CDH8: variants seen among roughly 807,000 people sequenced by gnomAD.
CDH8 encodes the protein cadherin-8.
A neutral mutation model predicts 68.1 loss-of-function variants in CDH8; 17 were observed. The observed-to-expected ratio is 0.25, with a 90% CI of 0.17 to 0.37. The LOEUF is 0.37. Ranked by LOEUF, CDH8 falls within the 10% of genes least tolerant of loss-of-function variation. The pLI is 1.00. For missense variants in CDH8, 763 were observed against 999.3 expected, an observed-to-expected ratio of 0.76 and a Z score of 3.19; for synonymous variants, 372 against 365.1, an observed-to-expected ratio of 1.02 and a Z score of -0.21.
chr16:61,848,000 C>T (rs1962849063), intron 4 of CDH8, among the ~76,000 whole-genome samples: 1 of 151,964 alleles, frequency 6.6e-6, no homozygotes, highest in South Asian at 2.1e-4. Flanking sequence ...GTTAGATAAA[C>T]ATGTTTTCCT....
chr16:62,003,568 T>G (rs1186979388), intron 2 of CDH8, among the ~76,000 whole-genome samples: 2 of 152,114 alleles, frequency 1.3e-5, no homozygotes, highest in Non-Finnish European at 2.9e-5. Flanking sequence ...CTTAGATGGC[T>G]CAAAAGAAAG....
At chr16:61,974,702 C>A (rs1415809427) in intron 2 of CDH8, among the ~76,000 whole-genome samples, 2 of 152,044 alleles carry the variant, frequency 1.3e-5, no homozygotes, top group African/African-American at 4.8e-5. Context: ...TTTGTTTCAG[C>A]GTCTTAAGTG....
intron 2 of CDH8, among the ~76,000 whole-genome samples, chr16:62,019,855 T>G (rs144641276): frequency 6.6e-6 from 1 of 152,242 alleles, no homozygotes; most frequent in African/African-American, 2.4e-5. Context: ...ACAAAATGCT[T>G]TTATAATAGT....
At chr16:61,810,393 C>T (rs1961912864) in intron 7 of CDH8, among the ~76,000 whole-genome samples, 1 of 151,800 alleles carries the variant, frequency 6.6e-6, no homozygotes, top group Non-Finnish European at 1.5e-5. Flanking sequence ...TTCTAAGGTC[C>T]CTGCATCACA....
At chr16:61,688,902 A>G (rs12103397) in intron 10 of CDH8, among the ~76,000 whole-genome samples, 64,086 of 151,772 alleles carry the variant, frequency 0.42, 14,331 homozygotes, top group African/African-American at 0.54. Flanking sequence ...CAACCAAAGC[A>G]CTGTGAGAAG....
chr16:61,735,458 C>G (rs1363131528), intron 8 of CDH8, among the ~76,000 whole-genome samples: 1 of 152,104 alleles, frequency 6.6e-6, no homozygotes, highest in African/African-American at 2.4e-5. Flanking sequence ...TACCCCATAA[C>G]TCTCTCCTGA....
intron 3 of CDH8, among the ~76,000 whole-genome samples, chr16:61,876,651 A>C (rs983263258): frequency 5.9e-5 from 9 of 152,124 alleles, no homozygotes; most frequent in African/African-American, 2.2e-4. Flanking sequence ...AGAAACAAGC[A>C]CTATGAGATA....
chr16:61,970,966 C>T (rs972592630), intron 2 of CDH8, among the ~76,000 whole-genome samples: 11 of 152,080 alleles, frequency 7.2e-5, no homozygotes, highest in Non-Finnish European at 1.5e-4. Context: ...TTGTAATCTC[C>T]CCCACCCTTA....
At chr16:62,007,860 T>C (rs2150601666) in intron 2 of CDH8, among the ~76,000 whole-genome samples, 1 of 152,282 alleles carries the variant, frequency 6.6e-6, no homozygotes. Context: ...TTTGATCCTC[T>C]GTGTTTCTTG....
intron 4 of CDH8, among the ~76,000 whole-genome samples, chr16:61,855,968 G>C (rs1297924881): frequency 6.6e-6 from 1 of 152,094 alleles, no homozygotes; most frequent in Non-Finnish European, 1.5e-5. Flanking sequence ...TGTTTTACAA[G>C]AGTTCTTTCC....
At chr16:61,724,257 G>C (rs564152530) in intron 9 of CDH8, among the ~76,000 whole-genome samples, 20 of 150,804 alleles carry the variant, frequency 1.3e-4, no homozygotes, top group African/African-American at 4.8e-4. Flanking sequence ...ACCTATTTTA[G>C]CTCAGGTATA....
At chr16:61,926,699 C>T (rs1250526921) in intron 2 of CDH8, among the ~76,000 whole-genome samples, 1 of 152,114 alleles carries the variant, frequency 6.6e-6, no homozygotes, top group East Asian at 1.9e-4. Context: ...AATTTTGATT[C>T]AATAGATTCC....
At chr16:61,870,163 A>C (rs564495906) in intron 3 of CDH8, among the ~76,000 whole-genome samples, 1 of 152,134 alleles carries the variant, frequency 6.6e-6, no homozygotes, top group African/African-American at 2.4e-5. Flanking sequence ...TCATAATATC[A>C]CATCTTGTTT....
At chr16:61,889,001 A>C (rs1370799762) in intron 3 of CDH8, among the ~76,000 whole-genome samples, 2 of 152,204 alleles carry the variant, frequency 1.3e-5, no homozygotes, top group African/African-American at 4.8e-5. Flanking sequence ...ATCAGCTGCA[A>C]CAGTAGCACA....
chr16:61,789,864 C>G (rs1343825034), intron 7 of CDH8, among the ~76,000 whole-genome samples: 1 of 151,990 alleles, frequency 6.6e-6, no homozygotes, highest in Non-Finnish European at 1.5e-5. Context: ...CAAGATGGCA[C>G]TAGGCAGCAT....
At chr16:61,890,647 G>C (rs1963759178) in intron 3 of CDH8, among the ~76,000 whole-genome samples, 1 of 152,048 alleles carries the variant, frequency 6.6e-6, no homozygotes, top group South Asian at 2.1e-4. Flanking sequence ...AGGCCTTTTT[G>C]TAATTCCTTC....
At chr16:62,017,435 T>C (rs573423891) in intron 2 of CDH8, among the ~76,000 whole-genome samples, 3 of 152,096 alleles carry the variant, frequency 2.0e-5, no homozygotes, top group Non-Finnish European at 4.4e-5. Context: ...AATCCCAGCA[T>C]TTTGAGAAGC....
intron 1 of CDH8, chr16:62,035,260 A>T (rs959069777): frequency 6.6e-6 from 1 of 152,224 alleles, no homozygotes; most frequent in Non-Finnish European, 1.5e-5. Context: ...AGGTTCCCGG[A>T]TGAGAAGCGG....
In CDH8 at chr16:61,674,087, C is replaced by T. The variant is rs150546164; in HGVS notation, c.1655-18366G>A. 1.7e-3 allele frequency among the ~76,000 whole-genome samples: 263 copies of T among 152,230 alleles called. 1 individual carries two copies. Among genetic ancestry groups the T allele is most frequent in the African/African-American group, 6.2e-3 (257 of 41,534 alleles). ...TTGACTATGTAAAGCAGAAAGACCTCACCTAATACATAAGTCATTCAGCAG... is the reference window on the plus strand; with the variant it reads ...TTGACTATGTAAAGCAGAAAGACCTTACCTAATACATAAGTCATTCAGCAG... On this transcript the variant is annotated intron_variant, in intron 10 of 11. Coordinates refer to ENST00000577390, the MANE Select transcript of CDH8 (RefSeq NM_001796.5).
Sources: gnomAD v4.1 joint callset for allele counts (sites outside exome capture counted in the v4.1 genomes callset) on GRCh38, gnomAD v4.1.1 for gene constraint, MANE v1.5 for transcripts, NCBI Gene and HGNC (gene_info 2026-07-23, HGNC 2026-07-21) for gene names.